The following GYS1 variants were observed in gnomAD, a reference collection of about 807,000 sequenced individuals.
The protein encoded by GYS1 is glycogen synthase 1.
In GYS1, 60 loss-of-function variants were observed where a neutral mutation model predicts 89.1. The ratio of observed to expected loss-of-function variants is 0.67; its 90% confidence interval spans 0.55 to 0.84. The LOEUF (loss-of-function observed/expected upper bound fraction) is 0.84, where lower values mean the gene tolerates loss of function less well. GYS1 is among the 40% of genes least tolerant of loss of function. The probability of loss-of-function intolerance (pLI) is 0.00; values close to 1 mark genes in which losing one functional copy is unlikely to be tolerated. For missense variants in GYS1, 888 were observed against 1,003.1 expected (o/e 0.89, Z 1.55); for synonymous variants, 366 against 401.7 (o/e 0.91, Z 1.06).
intron 2 of GYS1, among the ~76,000 whole-genome samples, chr19:48,990,581 C>T (rs1177119941): frequency 2.6e-5 from 4 of 152,178 alleles, no homozygotes; most frequent in Non-Finnish European, 5.9e-5. Flanking sequence ...AATCACCGCC[C>T]ACACAATGTG....
intron 15 of GYS1, 26 bp from the exon 16 acceptor site, chr19:48,969,637 C>T (rs2038523150): frequency 6.4e-7 from 1 of 1,559,504 alleles, no homozygotes; most frequent in African/African-American, 1.4e-5. Context: ...TGGGTGCAAA[C>T]CAGGGTGAGC....
At chr19:48,981,028 G>A (rs769898186) in intron 8 of GYS1, among the ~76,000 whole-genome samples, 20 of 151,786 alleles carry the variant, frequency 1.3e-4, no homozygotes, top group Admixed American at 6.6e-5. Context: ...CAGGAAAATC[G>A]CTTGAACCCA....
intron 8 of GYS1, among the ~76,000 whole-genome samples, chr19:48,978,530 T>TTTTTTA (rs144353363): frequency 6.1e-5 from 9 of 146,728 alleles, no homozygotes; most frequent in African/African-American, 1.5e-4. Context: ...CAGCAGTTTA[T>TTTTTTA]TTATTATTAT....
At chr19:48,981,389 G>C (rs2038759587) in intron 8 of GYS1, 141 bp downstream of exon 8, 2 of 683,030 alleles carry the variant, frequency 2.9e-6, no homozygotes, top group South Asian at 1.6e-5. Context: ...CTCCAGCCTG[G>C]GCGACAGAGT....
At chr19:48,976,475 C>A (rs1209964701) in intron 10 of GYS1, among the ~76,000 whole-genome samples, 1 of 152,048 alleles carries the variant, frequency 6.6e-6, no homozygotes, top group African/African-American at 2.4e-5. Context: ...AATGCCAATT[C>A]TCTCTGAAGT....
At chr19:48,984,571 T>A (rs1600146200) in intron 5 of GYS1, among the ~76,000 whole-genome samples, 2 of 151,960 alleles carry the variant, frequency 1.3e-5, no homozygotes. Context: ...AATTTTTGTA[T>A]TTTTAGTAGA....
In GYS1 at chr19:48,993,229, AG is replaced by A; in HGVS notation, c.-118del. ...GCTGGTGCCCGACGGGAAGCTTGCA[AG>A]ACGCTCGGCTTCCTATTGCAAGACC... On this transcript the variant is annotated 5_prime_UTR_variant, in exon 1 of 16. Coordinates refer to ENST00000323798, the MANE Select transcript of GYS1 (RefSeq NM_002103.5). The A allele has an allele frequency of 1.3e-6, 1 of 764,490 alleles. No individual in the cohort carries two copies. The highest frequency in any genetic ancestry group is 1.4e-5 in the South Asian group (1 of 73,770). 47.4% of individuals were successfully genotyped at this position (764,490 alleles called of 1,614,324 possible).
In GYS1 at chr19:48,969,609, G is replaced by A. The variant is rs2038522540; in HGVS notation, c.1893C>T (p.Ala631=). 1 of 1,540,966 alleles carries A rather than the reference G, an allele frequency of 6.5e-7. No homozygotes were observed. The highest frequency in any genetic ancestry group is 8.7e-7 in the Non-Finnish European group (1 of 1,148,586). ...FTYEPNEADA[A]QGYRYPRPAS... ...CTGGCCGTGGGTAGCGGTACCCCTGGGCCTGCATACGGCGATGTGGGTGCA... is the reference window on the plus strand; with the variant it reads ...CTGGCCGTGGGTAGCGGTACCCCTGAGCCTGCATACGGCGATGTGGGTGCA... Residue 631 remains alanine (A), a splice_region_variant and synonymous_variant, in exon 16 of 16, where the codon GCC becomes GCT. Transcript: ENST00000323798.
intron 2 of GYS1, among the ~76,000 whole-genome samples, chr19:48,988,430 C>T (rs1441046786): frequency 1.3e-5 from 2 of 151,938 alleles, no homozygotes; most frequent in East Asian, 3.9e-4. Flanking sequence ...ACCTCCCTGG[C>T]TCAGTCAATC....
intron 8 of GYS1, 89 bp downstream of exon 8, chr19:48,981,441 C>A: frequency 1.3e-6 from 1 of 797,084 alleles, no homozygotes; most frequent in Non-Finnish European, 2.2e-6. Flanking sequence ...ACAAACAAAA[C>A]AAAAAACTGA....
intron 14 of GYS1, 21 bp from the exon 15 acceptor site, chr19:48,969,876 G>T: frequency 6.4e-7 from 1 of 1,568,290 alleles, no homozygotes; most frequent in Non-Finnish European, 8.8e-7. Context: ...GGAGGAGAGG[G>T]GGCAGAGGAT....
Position 48,968,989 on chromosome 19 carries a change from G to C in GYS1, c.*299C>G. ...CCATGCCAGGTTTCCTAAAACCTCT[G>C]GCACCACCGCAGAGTAATGGCAGAT... On this transcript the variant is annotated 3_prime_UTR_variant, in exon 16 of 16. Coordinates refer to ENST00000323798, the MANE Select transcript of GYS1 (RefSeq NM_002103.5). 1 of 615,240 alleles carries C rather than the reference G, an allele frequency of 1.6e-6. No individual in the cohort carries two copies. The allele number at this position is 615,240 out of a possible 1,614,324, so 38.1% of individuals were successfully genotyped here.
At chr19:48,986,589 G>A (rs887984120) in intron 3 of GYS1, among the ~76,000 whole-genome samples, 3 of 148,128 alleles carry the variant, frequency 2.0e-5, no homozygotes, top group Non-Finnish European at 1.5e-5. Flanking sequence ...TGCAATTCCC[G>A]CCTCCCAGGT....
At chr19:48,990,000 G>GGC (rs1555800120) in intron 2 of GYS1, among the ~76,000 whole-genome samples, 6 of 131,262 alleles carry the variant, frequency 4.6e-5, no homozygotes, top group Admixed American at 7.8e-5. Context: ...CCTTTTGCTG[G>GGC]GGGGGGGGGG....
chr19:48,981,671 A>G lies in GYS1; in HGVS notation c.1063-35T>C, dbSNP rs1333773825. 5 of 1,334,964 alleles carry G rather than the reference A, an allele frequency of 3.7e-6. No homozygotes were observed. The African/African-American group carries it at 4.3e-5, about 12-fold the overall frequency. The allele number at this position is 1,334,964 out of a possible 1,614,324, so 82.7% of individuals were successfully genotyped here. On this transcript the variant is annotated intron_variant, in intron 7 of 15. Transcript: ENST00000323798. ...AAGAAAGGAGGGGGAGGCCAGGATC[A>G]TGTGGGGGAAGCCTGGAACCAGCCA...
chr19:48,987,556 A>G (rs1178869092), intron 2 of GYS1, among the ~76,000 whole-genome samples, 171 bp from the exon 3 acceptor site: 2 of 152,076 alleles, frequency 1.3e-5, no homozygotes, highest in Admixed American at 6.5e-5. Flanking sequence ...CCTTAGCCTT[A>G]CTTCTCTATT....
In GYS1 at chr19:48,991,903, G is replaced by T. The variant is rs1050869785; in HGVS notation, c.119-420C>A. Among the ~76,000 whole-genome samples the T allele has an allele frequency of 1.3e-5, 2 of 152,044 alleles. No homozygotes were observed. Among genetic ancestry groups the T allele is most frequent in the Admixed American group, 6.6e-5 (1 of 15,262 alleles). On this transcript the variant is annotated intron_variant, in intron 1 of 15. Transcript: ENST00000323798. This position sits in a 1 kb window ranked among gnomAD's most constrained non-coding sequence, Gnocchi z 4.7. ...GGAGCTGGGTTTAAATCGCAGCCAG[G>T]CTCCAAAACCCAGTGAGGGAGACCC...
intron 5 of GYS1, among the ~76,000 whole-genome samples, chr19:48,983,639 T>G (rs996911133): frequency 4.6e-5 from 7 of 152,124 alleles, no homozygotes; most frequent in Non-Finnish European, 1.0e-4. Flanking sequence ...CTGGAACATA[T>G]AGAGCTAACC....
chr19:48,981,416 C>CAAAA (rs1181784853), intron 8 of GYS1, 114 bp downstream of exon 8: 2 of 676,396 alleles, frequency 3.0e-6, no homozygotes, highest in Non-Finnish European at 5.3e-6. Context: ...GTCTCAAAAA[C>CAAAA]AAACAAACAA....
Sources: gnomAD v4.1 joint callset for allele counts (sites outside exome capture counted in the v4.1 genomes callset) on GRCh38, gnomAD v4.1.1 for gene constraint, Gnocchi (gnomAD v3.1) non-coding constraint, MANE v1.5 for transcripts, NCBI Gene and HGNC (gene_info 2026-07-23, HGNC 2026-07-21) for gene names.